Variants in KIF6 observed in about 807,000 individuals in gnomAD.
The protein encoded by KIF6 is kinesin family member 6, also known as kinesin-like protein KIF6.
Under a neutral mutation model 112.7 loss-of-function variants are expected in KIF6, and 106 were observed. The observed-to-expected ratio is 0.94, with a 90% CI of 0.80 to 1.11. The LOEUF is 1.11. Ranked by LOEUF, KIF6 falls within the 50% of genes least tolerant of loss-of-function variation. The pLI is 0.00. For missense variants in KIF6, 929 were observed against 964.0 expected (o/e 0.96, Z 0.48); for synonymous variants, 339 against 339.9 (o/e 1.00, Z 0.03).
intron 14 of KIF6, among the ~76,000 whole-genome samples, chr6:39,429,801 G>A (rs936783537): frequency 2.6e-5 from 4 of 151,976 alleles, no homozygotes; most frequent in Non-Finnish European, 4.4e-5. Flanking sequence ...CCAGCTACTT[G>A]GGAGGCTGAG....
chr6:39,584,970 G>A lies in KIF6; in HGVS notation c.1005C>T (p.Thr335=), dbSNP rs1178418780. 2 of 1,605,428 alleles carry A rather than the reference G, an allele frequency of 1.2e-6. No homozygotes were observed. The highest frequency in any genetic ancestry group is 1.7e-6 in the Non-Finnish European group (2 of 1,172,548). The change falls in exon 9 of 23, where the codon ACC becomes ACT. Residue 335 remains threonine, a synonymous_variant. Transcript: ENST00000287152. ...EKRNLDESIS[T]CRFAQRVALI... ...GTGCCACTCGCTGTGCAAATCTGCA[G>A]GTTGATATAGACTCCTAAGAAAGCA...
chr6:39,400,627 T>C (rs1210955602), intron 15 of KIF6, among the ~76,000 whole-genome samples: 1 of 152,154 alleles, frequency 6.6e-6, no homozygotes, highest in African/African-American at 2.4e-5. Flanking sequence ...GGGGGAGTCA[T>C]GTGAGTGTGT....
At chr6:39,650,775 A>C (rs1785427571) in intron 3 of KIF6, among the ~76,000 whole-genome samples, 1 of 152,118 alleles carries the variant, frequency 6.6e-6, no homozygotes, top group South Asian at 2.1e-4. Flanking sequence ...TAAAATCTGA[A>C]CTGGTTACTT....
intron 15 of KIF6, among the ~76,000 whole-genome samples, chr6:39,403,938 G>C (rs1232913763): frequency 6.6e-6 from 1 of 152,144 alleles, no homozygotes; most frequent in African/African-American, 2.4e-5. Flanking sequence ...TTTGCCATCT[G>C]TACGTCCTTT....
chr6:39,390,098 C>T (rs1181070252), intron 15 of KIF6, among the ~76,000 whole-genome samples: 1 of 151,332 alleles, frequency 6.6e-6, no homozygotes, highest in East Asian at 1.9e-4. Context: ...AGTTCAAATC[C>T]CAGTTTTGCT....
chr6:39,383,304 C>A (rs1767126834), intron 16 of KIF6, among the ~76,000 whole-genome samples: 1 of 152,158 alleles, frequency 6.6e-6, no homozygotes. Context: ...TGAAGTCTTA[C>A]ATTTAAGTCT....
chr6:39,490,821 T>C (rs1282927855), intron 13 of KIF6, among the ~76,000 whole-genome samples: 2 of 152,106 alleles, frequency 1.3e-5, no homozygotes, highest in African/African-American at 4.8e-5. Flanking sequence ...ATTCTGACAA[T>C]GTTCAAAAAA....
At chr6:39,414,654 T>C (rs1204211181) in intron 15 of KIF6, among the ~76,000 whole-genome samples, 2 of 152,222 alleles carry the variant, frequency 1.3e-5, no homozygotes, top group Non-Finnish European at 2.9e-5. Context: ...TCGTGGGCTA[T>C]GCTCAAAGCT....
chr6:39,547,035 T>C (rs1347762537), intron 10 of KIF6, among the ~76,000 whole-genome samples: 1 of 152,226 alleles, frequency 6.6e-6, no homozygotes, highest in Non-Finnish European at 1.5e-5. Flanking sequence ...GATGGAACTC[T>C]TAATAAGGAA....
At chr6:39,502,564 A>T (rs1475469197) in intron 13 of KIF6, among the ~76,000 whole-genome samples, 1 of 152,172 alleles carries the variant, frequency 6.6e-6, no homozygotes, top group Non-Finnish European at 1.5e-5. Flanking sequence ...AGGATAAAAA[A>T]CCTAGACCCA....
At chr6:39,420,682 C>A (rs1770299202) in intron 14 of KIF6, among the ~76,000 whole-genome samples, 1 of 152,154 alleles carries the variant, frequency 6.6e-6, no homozygotes, top group South Asian at 2.1e-4. Context: ...AAAAAATTCT[C>A]AAGTACTCCT....
intron 10 of KIF6, among the ~76,000 whole-genome samples, chr6:39,570,529 A>G (rs1780585624): frequency 6.6e-6 from 1 of 152,226 alleles, no homozygotes; most frequent in Admixed American, 6.5e-5. Context: ...TAGGAAGATT[A>G]TGATCCTATG....
Position 39,634,796 on chromosome 6 carries a change from A to G in KIF6, c.509+53T>C, listed in dbSNP as rs1582324602. 4 of 1,022,400 alleles carry G rather than the reference A, an allele frequency of 3.9e-6. No individual in the cohort carries two copies. In the East Asian group the frequency reaches 9.5e-5, roughly 24 times the overall value. The allele number at this position is 1,022,400 out of a possible 1,614,324, so 63.3% of individuals were successfully genotyped here. A position where few individuals can be genotyped will look rare whatever the true frequency, so the allele number is the denominator to read the frequency against. ...TACAAAGTTTCAAAGAAAACAATTG[A>G]AGAGAACATCTGAAAGTAATTTCCC... On this transcript the variant is annotated intron_variant, in intron 5 of 22. Transcript: ENST00000287152.
intron 6 of KIF6, among the ~76,000 whole-genome samples, chr6:39,610,112 A>G (rs1783132254): frequency 6.6e-6 from 1 of 152,182 alleles, no homozygotes; most frequent in South Asian, 2.1e-4. Context: ...TGATAGAAAT[A>G]TTTCAGCTAT....
At chr6:39,555,686 C>T (rs1582125953) in intron 10 of KIF6, among the ~76,000 whole-genome samples, 1 of 152,066 alleles carries the variant, frequency 6.6e-6, no homozygotes, top group Non-Finnish European at 1.5e-5. Flanking sequence ...GGTGCAGTGG[C>T]TCATACCTGT....
At chr6:39,644,931 G>T (rs1188876285) in intron 3 of KIF6, among the ~76,000 whole-genome samples, 1 of 152,176 alleles carries the variant, frequency 6.6e-6, no homozygotes, top group Non-Finnish European at 1.5e-5. Context: ...TAAAGACAGA[G>T]AGAAGGGTAA....
At chr6:39,498,444 G>C (rs1424762794) in intron 13 of KIF6, among the ~76,000 whole-genome samples, 1 of 152,148 alleles carries the variant, frequency 6.6e-6, no homozygotes, top group Non-Finnish European at 1.5e-5. Context: ...AGCTATAACA[G>C]AAAAAAGAAG....
At chr6:39,602,058 A>G (rs912123402) in intron 6 of KIF6, among the ~76,000 whole-genome samples, 5 of 152,174 alleles carry the variant, frequency 3.3e-5, no homozygotes, top group South Asian at 2.1e-4. Context: ...AATTGATTTG[A>G]TCTATAAAAT....
intron 13 of KIF6, among the ~76,000 whole-genome samples, chr6:39,487,465 C>T (rs1482624467): frequency 6.6e-6 from 1 of 152,224 alleles, no homozygotes; most frequent in African/African-American, 2.4e-5. Context: ...CACCCTTTAG[C>T]TTTCCGGCTT....
Sources: allele counts gnomAD v4.1 joint callset (sites outside exome capture counted in the v4.1 genomes callset), GRCh38; gene constraint gnomAD v4.1.1; transcripts MANE v1.5; gene names NCBI Gene and HGNC (gene_info 2026-07-23, HGNC 2026-07-21).